The following SPC25 variants were observed in gnomAD, a reference collection of about 807,000 sequenced individuals.
SPC25 encodes SPC25 component of NDC80 kinetochore complex.
SPC25 carries 22 observed loss-of-function variants against 29.6 expected under a neutral mutation model. That is an observed-to-expected ratio of 0.74 (90% CI 0.53 to 1.06). The LOEUF is 1.06. SPC25 is among the 50% of genes least tolerant of loss of function. The pLI is 0.00. For synonymous variants in SPC25, 91 were observed against 90.4 expected, an observed-to-expected ratio of 1.01 and a Z score of -0.04; for missense variants, 230 against 255.8, an observed-to-expected ratio of 0.90 and a Z score of 0.69.
At chr2:168,865,216 C>G (rs781573628) in intron 4 of SPC25, 3 of 457,112 alleles carry the variant, frequency 6.6e-6, no homozygotes, top group Non-Finnish European at 1.2e-5. Context: ...CTAGGAGACC[C>G]TAGAGATGAT....
chr2:168,886,157 G>A (rs899537196), intron 3 of SPC25, among the ~76,000 whole-genome samples: 4 of 146,994 alleles, frequency 2.7e-5, no homozygotes, highest in South Asian at 4.3e-4. Flanking sequence ...GGGCTCAAGC[G>A]ATCCTCCTGT....
At chr2:168,887,044 A>G (rs1238845843) in intron 3 of SPC25, among the ~76,000 whole-genome samples, 1 of 152,176 alleles carries the variant, frequency 6.6e-6, no homozygotes, top group Non-Finnish European at 1.5e-5. Flanking sequence ...TGCAAACAAA[A>G]GTGGTTTTCT....
At chr2:168,865,265 C>G in intron 4 of SPC25, 1 of 271,856 alleles carries the variant, frequency 3.7e-6, no homozygotes, top group Non-Finnish European at 7.0e-6. Flanking sequence ...AGACGGAGTC[C>G]AAGGTGGGTT....
chr2:168,865,095 G>C, intron 4 of SPC25: 2 of 977,222 alleles, frequency 2.0e-6, no homozygotes, highest in Admixed American at 2.6e-5. Context: ...CTACCTGCAT[G>C]TCACAGCACT....
At chr2:168,878,978 G>A (rs567788427) in intron 3 of SPC25, among the ~76,000 whole-genome samples, 5 of 152,260 alleles carry the variant, frequency 3.3e-5, no homozygotes, top group African/African-American at 4.8e-5. Context: ...TCTATTAAGC[G>A]TGCAATAGCA....
At chr2:168,881,375 T>C (rs1690175209) in intron 3 of SPC25, among the ~76,000 whole-genome samples, 1 of 152,200 alleles carries the variant, frequency 6.6e-6, no homozygotes, top group Non-Finnish European at 1.5e-5. Flanking sequence ...CAAACCTCTC[T>C]GCTGGGAAAG....
At position 168,876,155 on chromosome 2, in the gene SPC25, G is replaced by C; in HGVS notation, c.368C>G (p.Ala123Gly). Reference sequence around the variant, plus strand: ...CAGCCTTTTCAACCTCTCTGCATTCGCTTTATTAGCAGTAGAAATAGCTGA... The same window carrying C: ...CAGCCTTTTCAACCTCTCTGCATTCCCTTTATTAGCAGTAGAAATAGCTGA... Reference protein sequence around the residue: ...KKETISTANKANAERLKRLQK... With the variant: ...KKETISTANKGNAERLKRLQK... The change falls in exon 5 of 7, where the codon GCG becomes GGG. Residue 123 changes from alanine (A) to glycine (G), a missense_variant. Ala to Gly is a moderately conservative substitution (Grantham distance 60, BLOSUM62 0). Transcript: ENST00000282074. 1.3e-6 allele frequency: 2 copies of C among 1,564,494 alleles called. No homozygotes were observed. Among genetic ancestry groups the C allele is most frequent in the Non-Finnish European group, 1.7e-6 (2 of 1,163,180 alleles).
rs1260331420 is a variant in SPC25 at position 168,870,921 on chromosome 2, G to A, written c.*510C>T. On this transcript the variant is annotated 3_prime_UTR_variant, in exon 7 of 7. Coordinates refer to ENST00000282074, the MANE Select transcript of SPC25 (RefSeq NM_020675.4). ...ACACATGCACACGTATGTTTATTTC[G>A]GCACTATTCACAATAGCAAAGACTT... The A allele has an allele frequency of 1.3e-5, 2 of 151,500 alleles. No individual in the cohort carries two copies. Among genetic ancestry groups the A allele is most frequent in the East Asian group, 1.9e-4 (1 of 5,176 alleles). 9.4% of individuals were successfully genotyped at this position (151,500 alleles called of 1,614,324 possible). A position where few individuals can be genotyped will look rare whatever the true frequency, so the allele number is the denominator to read the frequency against.
chr2:168,887,421 C>CAAAAAAAAA (rs5836211), intron 3 of SPC25, among the ~76,000 whole-genome samples: 2 of 131,390 alleles, frequency 1.5e-5, no homozygotes, highest in Admixed American at 7.5e-5. Flanking sequence ...GACTCCATCT[C>CAAAAAAAAA]AAAAAAAAAA....
chr2:168,871,736 C>T (rs754345009), intron 6 of SPC25, among the ~76,000 whole-genome samples, 181 bp from the exon 7 acceptor site: 5 of 152,048 alleles, frequency 3.3e-5, no homozygotes, highest in Non-Finnish European at 4.4e-5. Context: ...ACCTTTCCTT[C>T]GTTTAATCTC....
downstream of SPC25, among the ~76,000 whole-genome samples, chr2:168,869,041 G>T (rs1689928919): frequency 2.0e-5 from 3 of 152,310 alleles, no homozygotes; most frequent in South Asian, 2.1e-4. Flanking sequence ...GGGATGCAAG[G>T]CTGGTTCAAC....
intron 3 of SPC25, among the ~76,000 whole-genome samples, chr2:168,888,835 T>G (rs868703564): frequency 6.8e-6 from 1 of 147,514 alleles, no homozygotes; most frequent in Non-Finnish European, 1.5e-5. Context: ...CCATGTTGCT[T>G]GGGCTGGTCT....
intron 3 of SPC25, among the ~76,000 whole-genome samples, chr2:168,882,128 A>G (rs190322538): frequency 2.1e-3 from 321 of 152,372 alleles, no homozygotes; most frequent in Non-Finnish European, 3.9e-3. Context: ...TGCCAAACAA[A>G]CGTTGGCAGT....
chr2:168,887,980 A>C (rs563833398), intron 3 of SPC25, among the ~76,000 whole-genome samples: 9 of 152,370 alleles, frequency 5.9e-5, no homozygotes, highest in Admixed American at 1.3e-4. Context: ...TATAACATTC[A>C]AAAACACAAT....
chr2:168,869,705 G>A (rs1227761027), downstream of SPC25, among the ~76,000 whole-genome samples: 1 of 152,144 alleles, frequency 6.6e-6, no homozygotes, highest in Non-Finnish European at 1.5e-5. Flanking sequence ...TGAAATAAAA[G>A]AGGACACAAA....
At chr2:168,875,065 T>C (rs996456073) in intron 5 of SPC25, among the ~76,000 whole-genome samples, 3 of 152,174 alleles carry the variant, frequency 2.0e-5, no homozygotes, top group Non-Finnish European at 4.4e-5. Context: ...AAAATATTCA[T>C]GTGTTTTAGC....
Position 168,862,180 on chromosome 2 carries a change from A to T in SPC25, n.419+11405T>A, listed in dbSNP as rs1047257522. 14 of 733,728 alleles carry T rather than the reference A, an allele frequency of 1.9e-5. No individual in the cohort carries two copies. The South Asian group carries it at 2.5e-4, about 13-fold the overall frequency. 45.5% of individuals were successfully genotyped at this position (733,728 alleles called of 1,614,324 possible). A position where few individuals can be genotyped will look rare whatever the true frequency, so the allele number is the denominator to read the frequency against. ...AATCAGTTCACCCTTCTTGAAAGAT[A>T]AGCACATCTAAAACAAAAGCTCGCA... On this transcript the variant is annotated intron_variant and non_coding_transcript_variant, in intron 4 of 4. Coordinates refer to the SPC25 transcript ENST00000479309.
intron 1 of SPC25, among the ~76,000 whole-genome samples, chr2:168,890,103 A>T (rs1375810580): frequency 6.6e-6 from 1 of 152,056 alleles, no homozygotes; most frequent in Non-Finnish European, 1.5e-5. Flanking sequence ...GCGACGCTAA[A>T]ACCTTCCCAG....
chr2:168,890,362 C>T lies in SPC25; in HGVS notation c.-59G>A. The T allele has an allele frequency of 1.0e-6, 1 of 985,530 alleles. No homozygotes were observed. The highest frequency in any genetic ancestry group is 1.2e-6 in the Non-Finnish European group (1 of 829,992). The allele number at this position is 985,530 out of a possible 1,614,324, so 61.0% of individuals were successfully genotyped here. On this transcript the variant is annotated 5_prime_UTR_variant, in exon 1 of 7. Coordinates refer to ENST00000282074, the MANE Select transcript of SPC25 (RefSeq NM_020675.4). ...TCCCGCCGCCTTCCCCACACCAGAT[C>T]CGCGCCCACTCTAGCCAACAGCCGG... is the stretch of plus-strand genomic sequence containing the variant.
Sources: allele counts gnomAD v4.1 joint callset (sites outside exome capture counted in the v4.1 genomes callset), GRCh38; gene constraint gnomAD v4.1.1; transcripts MANE v1.5; gene names NCBI Gene and HGNC (gene_info 2026-07-23, HGNC 2026-07-21).